PDE1A: variants seen among roughly 807,000 people sequenced by gnomAD.
The protein encoded by PDE1A is dual specificity calcium/calmodulin-dependent 3',5'-cyclic nucleotide phosphodiesterase 1A.
Under a neutral mutation model 61.7 loss-of-function variants are expected in PDE1A, and 35 were observed. That is an observed-to-expected ratio of 0.57 (90% CI 0.43 to 0.75). The LOEUF is 0.75. Among genes scored for constraint, PDE1A ranks in the 30% least tolerant of loss-of-function variants. The pLI, the probability that PDE1A is intolerant of heterozygous loss-of-function variation, is 0.00. For missense variants in PDE1A, 597 were observed against 630.6 expected (o/e 0.95, Z 0.57); for synonymous variants, 232 against 213.2 (o/e 1.09, Z -0.77).
the PDE1A span, among the ~76,000 whole-genome samples, chr2:182,616,068 A>G: frequency 6.6e-6 from 1 of 152,232 alleles, no homozygotes; most frequent in Non-Finnish European, 1.5e-5. Flanking sequence ...TTAGCTTCTC[A>G]GCAATGAAAT....
chr2:182,165,620 C>G (rs1691616829), downstream of PDE1A, among the ~76,000 whole-genome samples: 1 of 152,136 alleles, frequency 6.6e-6, no homozygotes, highest in Non-Finnish European at 1.5e-5. Context: ...CCAGACTCTT[C>G]AGGAATGAAG....
intron 1 of PDE1A, among the ~76,000 whole-genome samples, chr2:182,396,016 G>T (rs1371474632): frequency 6.6e-6 from 1 of 152,176 alleles, no homozygotes; most frequent in Non-Finnish European, 1.5e-5. Flanking sequence ...AATGGAAGTG[G>T]TATATACGCG....
rs1326744714 is a variant in PDE1A, at chr2:182,293,415, T to TA, written c.54-29002dup. On this transcript the variant is annotated intron_variant, in intron 1 of 13. Transcript: ENST00000351439. ...ACATTATTACTCTGAACATTTTAGT[T>TA]ACTTCAGTATTAATGATCTATATTT... Among the ~76,000 whole-genome samples, 13 of 152,290 alleles carry TA rather than the reference T, an allele frequency of 8.5e-5. No homozygotes were observed. The East Asian group carries it at 2.5e-3, about 29-fold the overall frequency.
At chr2:182,710,951 C>T in the PDE1A span, among the ~76,000 whole-genome samples, 3 of 152,210 alleles carry the variant, frequency 2.0e-5, no homozygotes, top group Non-Finnish European at 2.9e-5. Context: ...TTTTGTTGCT[C>T]TCCTCCAACA....
chr2:182,196,824 T>G (rs1686172152), intron 10 of PDE1A, among the ~76,000 whole-genome samples: 1 of 151,964 alleles, frequency 6.6e-6, no homozygotes, highest in African/African-American at 2.4e-5. Flanking sequence ...CATTTCTATT[T>G]TTGATGAATA....
chr2:182,523,689 T>C (rs1183623903), upstream of PDE1A, among the ~76,000 whole-genome samples: 1 of 152,220 alleles, frequency 6.6e-6, no homozygotes. Context: ...TCTCAGTACC[T>C]ATTACATATT....
the PDE1A span, among the ~76,000 whole-genome samples, chr2:182,568,971 T>G: frequency 6.6e-6 from 1 of 152,184 alleles, no homozygotes; most frequent in South Asian, 2.1e-4. Context: ...TTGATATTTT[T>G]TACATTCTTG....
chr2:182,428,130 T>C (rs1374894581), upstream of PDE1A, among the ~76,000 whole-genome samples: 5 of 152,246 alleles, frequency 3.3e-5, no homozygotes, highest in South Asian at 8.3e-4. Flanking sequence ...AATGTAATCA[T>C]TATGAGAGCA....
At chr2:182,172,449 C>T (rs1167082681) in intron 13 of PDE1A, among the ~76,000 whole-genome samples, 2 of 151,988 alleles carry the variant, frequency 1.3e-5, no homozygotes, top group African/African-American at 4.8e-5. Flanking sequence ...TTGTAACATA[C>T]TCCAATCATA....
chr2:182,456,883 TGAG>T (rs953139652), intron 2 of PDE1A, among the ~76,000 whole-genome samples: 23 of 152,084 alleles, frequency 1.5e-4, no homozygotes, highest in Admixed American at 1.1e-3. Context: ...AAATGTCTGG[TGAG>T]GAATTTAAAA....
intron 1 of PDE1A, among the ~76,000 whole-genome samples, chr2:182,289,055 G>T (rs1312073175): frequency 6.7e-6 from 1 of 148,772 alleles, no homozygotes; most frequent in East Asian, 2.0e-4. Context: ...GCTACTTCTG[G>T]TTGTCCATAA....
At chr2:182,265,843 G>A (rs929228341) in intron 1 of PDE1A, among the ~76,000 whole-genome samples, 1 of 152,080 alleles carries the variant, frequency 6.6e-6, no homozygotes, top group Non-Finnish European at 1.5e-5. Context: ...TAAGTCATCA[G>A]ACAGAATTTA....
the PDE1A span, among the ~76,000 whole-genome samples, chr2:182,645,176 T>C: frequency 3.9e-5 from 6 of 152,024 alleles, no homozygotes; most frequent in Non-Finnish European, 7.4e-5. Flanking sequence ...TTAGTAGAGA[T>C]GGGGTTTCAC....
At chr2:182,162,867 TAGAC>T (rs1375780266) in intron 13 of PDE1A, among the ~76,000 whole-genome samples, 2 of 152,252 alleles carry the variant, frequency 1.3e-5, no homozygotes, top group South Asian at 2.1e-4. Flanking sequence ...ATTATTGAAA[TAGAC>T]AGACTTAGCA....
At chr2:182,195,403 T>A (rs1686056995) in intron 10 of PDE1A, among the ~76,000 whole-genome samples, 1 of 152,098 alleles carries the variant, frequency 6.6e-6, no homozygotes, top group African/African-American at 2.4e-5. Flanking sequence ...GGAAGACTCA[T>A]GTCTCCCACT....
chr2:182,524,213 GAAAC>G (rs1487608181), upstream of PDE1A, among the ~76,000 whole-genome samples: 1 of 152,094 alleles, frequency 6.6e-6, no homozygotes, highest in Non-Finnish European at 1.5e-5. Context: ...TTTCTTTAAT[GAAAC>G]AGTCAACAAA....
the PDE1A span, among the ~76,000 whole-genome samples, chr2:182,591,275 A>C: frequency 6.6e-6 from 1 of 152,218 alleles, no homozygotes; most frequent in African/African-American, 2.4e-5. Context: ...TGTAAGTCTC[A>C]GATCAAATTC....
In PDE1A at chr2:182,511,478, C is replaced by T. The variant is rs892276216; in HGVS notation, c.101+10798G>A. Among the ~76,000 whole-genome samples the T allele has an allele frequency of 2.0e-5, 3 of 152,100 alleles. No individual in the cohort carries two copies. The South Asian group carries it at 6.2e-4, about 32-fold the overall frequency. ...CCTCCAGAATCCTAGCTGCAGGAGA[C>T]CCCATGACACATACTGACTTTTGAG... On this transcript the variant is annotated intron_variant, in intron 2 of 14. Coordinates refer to the PDE1A transcript ENST00000410103.
At chr2:182,173,629 T>A (rs2125334981) in intron 13 of PDE1A, among the ~76,000 whole-genome samples, 1 of 151,888 alleles carries the variant, frequency 6.6e-6, no homozygotes, top group South Asian at 2.1e-4. Context: ...AACTTCTAAT[T>A]ACATTTTGAA....
Sources: gnomAD v4.1 joint callset for allele counts (sites outside exome capture counted in the v4.1 genomes callset) on GRCh38, gnomAD v4.1.1 for gene constraint, MANE v1.5 for transcripts, NCBI Gene and HGNC (gene_info 2026-07-23, HGNC 2026-07-21) for gene names.